The following RAP2A variants were observed in gnomAD, a reference collection of about 807,000 sequenced individuals.
RAP2A encodes the protein ras-related protein Rap-2a.
RAP2A carries 5 observed loss-of-function variants against 15.1 expected under a neutral mutation model. The ratio of observed to expected loss-of-function variants is 0.33; its 90% CI spans 0.17 to 0.70. The LOEUF (loss-of-function observed/expected upper bound fraction) is 0.70. Ranked by LOEUF, RAP2A falls within the 30% of genes least tolerant of loss-of-function variation. The pLI, the probability that RAP2A is intolerant of heterozygous loss-of-function variation, is 0.68. For missense variants in RAP2A, 111 were observed against 240.3 expected (o/e 0.46, Z 3.56); for synonymous variants, 110 against 99.7 (o/e 1.10, Z -0.62).
rs146604118 is a variant in RAP2A at position 97,456,513 on chromosome 13, A to G, written c.315-7692A>G. On this transcript the variant is annotated intron_variant, in intron 1 of 1. Coordinates refer to ENST00000245304, the MANE Select transcript of RAP2A (RefSeq NM_021033.7). ...GTGGTTTTTAAATAAAACATTTAAAATGGCTGTGAGTTGCATCTCCATCAT... is the reference window on the plus strand; with the variant it reads ...GTGGTTTTTAAATAAAACATTTAAAGTGGCTGTGAGTTGCATCTCCATCAT... Among the ~76,000 whole-genome samples, 95 of 152,302 alleles carry G rather than the reference A, an allele frequency of 6.2e-4. No homozygotes were observed. The East Asian group carries it at 0.017, about 27-fold the overall frequency.
intron 1 of RAP2A, chr13:97,441,781 A>C (rs2066658692): frequency 2.2e-6 from 1 of 450,944 alleles, no homozygotes; most frequent in Admixed American, 2.4e-5. Flanking sequence ...TATGTTGTAA[A>C]AAGAGTTTTA....
At chr13:97,463,534 G>A (rs1004839424) in intron 1 of RAP2A, among the ~76,000 whole-genome samples, 1 of 152,202 alleles carries the variant, frequency 6.6e-6, no homozygotes, top group Non-Finnish European at 1.5e-5. Context: ...GTTTTCTGAA[G>A]GGATGGGGTG....
intron 1 of RAP2A, among the ~76,000 whole-genome samples, chr13:97,448,769 C>T (rs1010166323): frequency 1.3e-5 from 2 of 152,082 alleles, no homozygotes; most frequent in African/African-American, 4.8e-5. Context: ...AAAGAACTCC[C>T]CATGAGAATG....
chr13:97,451,322 C>T (rs1042198551), intron 1 of RAP2A, among the ~76,000 whole-genome samples: 3 of 152,134 alleles, frequency 2.0e-5, no homozygotes, highest in Non-Finnish European at 4.4e-5. Context: ...ACACCTGTAA[C>T]CAAATCCCAA....
intron 1 of RAP2A, among the ~76,000 whole-genome samples, chr13:97,440,788 C>T (rs1041079249): frequency 2.0e-5 from 3 of 152,104 alleles, no homozygotes; most frequent in Non-Finnish European, 4.4e-5. Flanking sequence ...AAAGTTTCCC[C>T]CTGCTTTATT....
At chr13:97,448,971 G>A (rs1234805158) in intron 1 of RAP2A, among the ~76,000 whole-genome samples, 1 of 152,160 alleles carries the variant, frequency 6.6e-6, no homozygotes, top group Non-Finnish European at 1.5e-5. Context: ...CATCATGCCA[G>A]CACATAGGTC....
chr13:97,436,174 T>C (rs1470395934), intron 1 of RAP2A: 1 of 152,218 alleles, frequency 6.6e-6, no homozygotes, highest in Non-Finnish European at 1.5e-5. Context: ...TGGTCTCTGC[T>C]GCTAAGATTT....
intron 1 of RAP2A, among the ~76,000 whole-genome samples, chr13:97,460,115 G>C (rs2066740176): frequency 6.6e-6 from 1 of 152,174 alleles, no homozygotes; most frequent in South Asian, 2.1e-4. Context: ...TTGGAGTTCT[G>C]CTGTTGAGTC....
rs9670708 is a variant in RAP2A at position 97,455,949 on chromosome 13, G to C, written c.315-8256G>C. Among the ~76,000 whole-genome samples the C allele has an allele frequency of 5.6e-3, 843 of 151,236 alleles. 39 individuals are homozygous for C. Among genetic ancestry groups the C allele is most frequent in the African/African-American group, 0.019 (781 of 41,000 alleles). On this transcript the variant is annotated intron_variant, in intron 1 of 1. Transcript: ENST00000245304. ...TTGGGGTCATCCTTCTGGTAAAATG[G>C]GAAGAGAAAAAGAGGAGGAAGTATA...
intron 1 of RAP2A, among the ~76,000 whole-genome samples, chr13:97,459,138 T>C (rs1034657470): frequency 6.6e-6 from 1 of 152,204 alleles, no homozygotes; most frequent in African/African-American, 2.4e-5. Context: ...TGGTGAGATA[T>C]CTGCTGATGT....
At chr13:97,457,382 G>A (rs957593540) in intron 1 of RAP2A, among the ~76,000 whole-genome samples, 14 of 151,994 alleles carry the variant, frequency 9.2e-5, no homozygotes, top group African/African-American at 2.2e-4. Context: ...CATTAATGGA[G>A]TACAGATAAT....
intron 1 of RAP2A, among the ~76,000 whole-genome samples, chr13:97,450,354 A>C (rs933789890): frequency 2.6e-5 from 4 of 152,170 alleles, no homozygotes; most frequent in Non-Finnish European, 5.9e-5. Flanking sequence ...TTTCAAGTAC[A>C]ATAGTCAGGC....
chr13:97,437,865 A>G (rs2066640959), intron 1 of RAP2A, among the ~76,000 whole-genome samples: 1 of 152,208 alleles, frequency 6.6e-6, no homozygotes, highest in South Asian at 2.1e-4. Context: ...TTTCATTTCA[A>G]ATAATAGCAG....
intron 1 of RAP2A, among the ~76,000 whole-genome samples, chr13:97,444,615 G>A (rs1051739726): frequency 2.0e-5 from 3 of 152,100 alleles, no homozygotes; most frequent in African/African-American, 7.2e-5. Context: ...TACTATCTTT[G>A]TCCTTCTGGT....
chr13:97,455,993 C>G (rs940219899), intron 1 of RAP2A, among the ~76,000 whole-genome samples: 2 of 151,380 alleles, frequency 1.3e-5, no homozygotes, highest in Non-Finnish European at 2.9e-5. Flanking sequence ...TTCTCCCACT[C>G]TCTTCGGGAC....
intron 1 of RAP2A, among the ~76,000 whole-genome samples, chr13:97,460,878 G>C (rs1289016189): frequency 6.6e-6 from 1 of 152,070 alleles, no homozygotes; most frequent in Non-Finnish European, 1.5e-5. Flanking sequence ...TGTTGTTTTT[G>C]ACTCCCATCT....
rs2066623246 is a variant in RAP2A, at chr13:97,434,374, G to T, written c.-97G>T. ...TGAGGTGGGGGCGGCAGCGGGAGGC[G>T]GCGGGGCGGGCCGCCGGGGCCGGGG... On this transcript the variant is annotated 5_prime_UTR_variant, in exon 1 of 2. Transcript: ENST00000245304. The T allele has an allele frequency of 2.1e-6, 2 of 960,074 alleles. No individual in the cohort carries two copies. The highest frequency in any genetic ancestry group is 2.5e-6 in the Non-Finnish European group (2 of 808,322). 59.5% of individuals were successfully genotyped at this position (960,074 alleles called of 1,614,324 possible). A position where few individuals can be genotyped will look rare whatever the true frequency, so the allele number is the denominator to read the frequency against.
At chr13:97,442,259 G>A (rs1438357974) in intron 1 of RAP2A, among the ~76,000 whole-genome samples, 1 of 152,046 alleles carries the variant, frequency 6.6e-6, no homozygotes, top group Non-Finnish European at 1.5e-5. Flanking sequence ...GTCATGGTAT[G>A]TATTAAATTC....
At chr13:97,459,364 A>G (rs2066737167) in intron 1 of RAP2A, among the ~76,000 whole-genome samples, 1 of 152,166 alleles carries the variant, frequency 6.6e-6, no homozygotes, top group Non-Finnish European at 1.5e-5. Context: ...AACTGTCATC[A>G]CCCACTAACA....
Sources: gnomAD v4.1 joint callset for allele counts (sites outside exome capture counted in the v4.1 genomes callset) on GRCh38, gnomAD v4.1.1 for gene constraint, MANE v1.5 for transcripts, NCBI Gene and HGNC (gene_info 2026-07-23, HGNC 2026-07-21) for gene names.